NEK10: variants seen among roughly 807,000 people sequenced by gnomAD.
NEK10 encodes the protein serine/threonine-protein kinase Nek10.
Under a neutral mutation model 159.8 loss-of-function variants are expected in NEK10, and 122 were observed. The ratio of observed to expected loss-of-function variants is 0.76; its 90% CI spans 0.66 to 0.89. The LOEUF is 0.89. NEK10 is among the 40% of genes least tolerant of loss of function. NEK10 has a pLI of 0.00. For missense variants in NEK10, 1,342 were observed against 1,323.1 expected, an observed-to-expected ratio of 1.01 and a Z score of -0.22; for synonymous variants, 466 against 457.1, an observed-to-expected ratio of 1.02 and a Z score of -0.25.
At chr3:27,326,983 C>T (rs1292826037) in intron 5 of NEK10, among the ~76,000 whole-genome samples, 1 of 152,124 alleles carries the variant, frequency 6.6e-6, no homozygotes, top group Non-Finnish European at 1.5e-5. Context: ...AGCTGAGGGA[C>T]TAGGAAACAC....
chr3:27,234,037 T>C (rs1288759586), intron 23 of NEK10, among the ~76,000 whole-genome samples: 1 of 152,076 alleles, frequency 6.6e-6, no homozygotes, highest in Non-Finnish European at 1.5e-5. Context: ...TTATTCTCAA[T>C]AGATTCAGAA....
At chr3:27,206,333 G>C (rs954761140) in intron 23 of NEK10, among the ~76,000 whole-genome samples, 1 of 152,170 alleles carries the variant, frequency 6.6e-6, no homozygotes, top group African/African-American at 2.4e-5. Flanking sequence ...ACAGGAGGCA[G>C]AGAAGATATA....
At chr3:27,356,626 C>T (rs1210369244) in intron 1 of NEK10, among the ~76,000 whole-genome samples, 1 of 152,168 alleles carries the variant, frequency 6.6e-6, no homozygotes, top group East Asian at 1.9e-4. Context: ...GCCTTAAGCA[C>T]TTTCTGCCTG....
intron 23 of NEK10, among the ~76,000 whole-genome samples, chr3:27,209,400 A>G (rs4973860): frequency 0.23 from 35,746 of 152,128 alleles, 4,549 homozygotes; most frequent in Middle Eastern, 0.38. Flanking sequence ...GCAAAGCAGG[A>G]TGTTTATATT....
chr3:27,217,561 C>T (rs953066772), intron 23 of NEK10, among the ~76,000 whole-genome samples: 3 of 152,096 alleles, frequency 2.0e-5, no homozygotes, highest in South Asian at 4.1e-4. Context: ...CCTACCAGGC[C>T]CCACCTCAAA....
At chr3:27,255,109 C>T in intron 23 of NEK10, 1 of 161,428 alleles carries the variant, frequency 6.2e-6, no homozygotes, top group Non-Finnish European at 1.4e-5. Context: ...GATTACTTGA[C>T]ACTTTTATGA....
At chr3:27,162,359 T>C in intron 30 of NEK10, 1 of 1,503,470 alleles carries the variant, frequency 6.7e-7, no homozygotes, top group Non-Finnish European at 8.9e-7. Context: ...GCTCTTTGTA[T>C]TAAAATTACC....
intron 32 of NEK10, among the ~76,000 whole-genome samples, chr3:27,121,371 T>C (rs11924651): frequency 0.024 from 3,652 of 152,302 alleles, 143 homozygotes; most frequent in African/African-American, 0.083. Flanking sequence ...TCATCGGTGA[T>C]ATGGTTTGGC....
intron 20 of NEK10, among the ~76,000 whole-genome samples, chr3:27,285,750 A>G (rs533653824): frequency 1.3e-5 from 2 of 152,316 alleles, no homozygotes; most frequent in East Asian, 3.9e-4. Flanking sequence ...ATATGTGTGT[A>G]GAAAATGTTG....
At position 27,122,008 on chromosome 3, in the gene NEK10, G is replaced by A. The variant is rs1941382098; in HGVS notation, c.3082-2140C>T. ...TTTCCATCAATGGACTTTGGATATT[G>A]TAAATACAAATCATTTGTGGGTTTC... On this transcript the variant is annotated intron_variant, in intron 32 of 35. Transcript: ENST00000691995. 2.0e-5 allele frequency among the ~76,000 whole-genome samples: 3 copies of A among 152,084 alleles called. No homozygotes were observed. The South Asian group carries it at 6.2e-4, about 32-fold the overall frequency.
rs1939301433 is a variant in NEK10 at position 27,109,397 on chromosome 3, AAAG to A, written c.*1872_*1874del. On this transcript the variant is annotated 3_prime_UTR_variant, in exon 36 of 36. Transcript: ENST00000691995. ...CTGTCTTAAAAAAAAAAAAAAAAAA[AAAG>A]AGTTAGATGGAAACATTTTGCTCAC... Among the ~76,000 whole-genome samples, 1 of 151,762 alleles carries A rather than the reference AAAG, an allele frequency of 6.6e-6. No homozygotes were observed. The highest frequency in any genetic ancestry group is 1.5e-5 in the Non-Finnish European group (1 of 67,908).
At chr3:27,333,257 G>C (rs1168485465) in intron 5 of NEK10, among the ~76,000 whole-genome samples, 1 of 152,024 alleles carries the variant, frequency 6.6e-6, no homozygotes, top group Admixed American at 6.6e-5. Flanking sequence ...AGAGCTCCTT[G>C]ACCCATGGCC....
chr3:27,293,761 G>A, intron 15 of NEK10, 109 bp from the exon 16 acceptor site: 1 of 593,482 alleles, frequency 1.7e-6, no homozygotes, highest in South Asian at 2.5e-5. Flanking sequence ...ATTGTAAGTG[G>A]CTGGTCCAAG....
At chr3:27,219,095 T>A (rs1951841375) in intron 23 of NEK10, among the ~76,000 whole-genome samples, 1 of 152,230 alleles carries the variant, frequency 6.6e-6, no homozygotes, top group Non-Finnish European at 1.5e-5. Flanking sequence ...TAAAATGAAC[T>A]CTGTAAGTCT....
At chr3:27,145,772 G>A (rs991851197) in intron 30 of NEK10, among the ~76,000 whole-genome samples, 8 of 152,018 alleles carry the variant, frequency 5.3e-5, no homozygotes, top group Non-Finnish European at 1.2e-4. Flanking sequence ...GAGTGCTGTG[G>A]TCTAAATGCT....
intron 22 of NEK10, among the ~76,000 whole-genome samples, chr3:27,269,021 G>T (rs1041985375): frequency 6.6e-6 from 1 of 152,178 alleles, no homozygotes; most frequent in African/African-American, 2.4e-5. Context: ...CTGCAGATGT[G>T]GTGGAAATAA....
At chr3:27,359,737 G>C (rs2048550139) in intron 1 of NEK10, among the ~76,000 whole-genome samples, 1 of 152,182 alleles carries the variant, frequency 6.6e-6, no homozygotes, top group Non-Finnish European at 1.5e-5. Flanking sequence ...GCTGAGTGAA[G>C]GGTATATGGG....
intron 4 of NEK10, 79 bp downstream of exon 4, chr3:27,346,007 C>A (rs2047525590): frequency 1.4e-6 from 2 of 1,392,288 alleles, no homozygotes; most frequent in Non-Finnish European, 1.0e-6. Context: ...TAAATTTTAG[C>A]TCCTGGGATA....
At chr3:27,328,036 T>C (rs1309136419) in intron 5 of NEK10, among the ~76,000 whole-genome samples, 1 of 152,186 alleles carries the variant, frequency 6.6e-6, no homozygotes, top group East Asian at 1.9e-4. Context: ...GTCTTTGTTC[T>C]TTCTCTGTGT....
Sources: allele counts gnomAD v4.1 joint callset (sites outside exome capture counted in the v4.1 genomes callset), GRCh38; gene constraint gnomAD v4.1.1; transcripts MANE v1.5; gene names NCBI Gene and HGNC (gene_info 2026-07-23, HGNC 2026-07-21).